SAMD4A: variants seen among roughly 807,000 people sequenced by gnomAD.
SAMD4A encodes protein Smaug homolog 1.
Under a neutral mutation model 81.3 loss-of-function variants are expected in SAMD4A, and 33 were observed. That is an observed-to-expected ratio of 0.41 (90% CI 0.31 to 0.54). The LOEUF (loss-of-function observed/expected upper bound fraction) is 0.54, where lower values mean the gene tolerates loss of function less well. Ranked by LOEUF, SAMD4A falls within the 20% of genes least tolerant of loss-of-function variation. The pLI, the probability that SAMD4A is intolerant of heterozygous loss-of-function variation, is 0.37. For synonymous variants in SAMD4A, 389 were observed against 382.1 expected, an observed-to-expected ratio of 1.02 and a Z score of -0.21; for missense variants, 854 against 951.1, an observed-to-expected ratio of 0.90 and a Z score of 1.34.
At chr14:54,698,554 A>T (rs77974842) in intron 2 of SAMD4A, among the ~76,000 whole-genome samples, 6,116 of 152,302 alleles carry the variant, frequency 0.04, 200 homozygotes, top group East Asian at 0.14. Flanking sequence ...TTAAGTGAGT[A>T]ATTAAATGCA....
At chr14:54,649,944 A>G (rs560301002) in intron 2 of SAMD4A, among the ~76,000 whole-genome samples, 3 of 152,196 alleles carry the variant, frequency 2.0e-5, no homozygotes, top group South Asian at 4.1e-4. Flanking sequence ...GTCTACTTAG[A>G]CTTTTAGGCA....
intron 7 of SAMD4A, among the ~76,000 whole-genome samples, chr14:54,762,607 C>T (rs1305653324): frequency 1.3e-5 from 2 of 152,176 alleles, no homozygotes; most frequent in East Asian, 3.9e-4. Context: ...ACACGCGGCA[C>T]ATCGCCCTAC....
At chr14:54,699,291 CT>C (rs1379400857) in intron 2 of SAMD4A, among the ~76,000 whole-genome samples, 1 of 152,204 alleles carries the variant, frequency 6.6e-6, no homozygotes, top group Non-Finnish European at 1.5e-5. Context: ...CTCAGCGCTA[CT>C]TTAAAAGGGA....
At chr14:54,773,837 T>C (rs2038768161) in intron 9 of SAMD4A, among the ~76,000 whole-genome samples, 2 of 152,250 alleles carry the variant, frequency 1.3e-5, no homozygotes, top group South Asian at 4.1e-4. Flanking sequence ...GGTTCATTCA[T>C]TCAACTGCAT....
At chr14:54,579,376 A>G (rs1022495395) in intron 2 of SAMD4A, among the ~76,000 whole-genome samples, 2 of 152,264 alleles carry the variant, frequency 1.3e-5, no homozygotes, top group Admixed American at 1.3e-4. Flanking sequence ...GTGGTTGGAA[A>G]TGTGCCTAAG....
intron 2 of SAMD4A, among the ~76,000 whole-genome samples, chr14:54,657,632 T>A (rs2035549234): frequency 6.6e-6 from 1 of 152,234 alleles, no homozygotes; most frequent in African/African-American, 2.4e-5. Context: ...GCTTAAGGCA[T>A]GGACATCTCT....
At chr14:54,677,429 G>A (rs1484373949) in intron 2 of SAMD4A, among the ~76,000 whole-genome samples, 2 of 152,148 alleles carry the variant, frequency 1.3e-5, no homozygotes, top group African/African-American at 2.4e-5. Flanking sequence ...GTTTATTCCT[G>A]AAACTGACTC....
chr14:54,710,548 C>T (rs1228783185), intron 3 of SAMD4A, among the ~76,000 whole-genome samples: 1 of 152,156 alleles, frequency 6.6e-6, no homozygotes, highest in African/African-American at 2.4e-5. Flanking sequence ...TTACTTGCCT[C>T]TCCCTCCTAA....
chr14:54,789,194 T>G lies in SAMD4A; in HGVS notation c.*250T>G. 1 of 490,212 alleles carries G rather than the reference T, an allele frequency of 2.0e-6. No individual in the cohort carries two copies. Among genetic ancestry groups the G allele is most frequent in the Non-Finnish European group, 3.7e-6 (1 of 271,148 alleles). 30.4% of individuals were successfully genotyped at this position (490,212 alleles called of 1,614,324 possible). ...GGTGTGTGGGGTGGGGAGGGGTCTC[T>G]AGGGAATTATGAGACTGGGAGGGGG... On this transcript the variant is annotated 3_prime_UTR_variant, in exon 13 of 13. Transcript: ENST00000554335.
intron 6 of SAMD4A, among the ~76,000 whole-genome samples, chr14:54,752,036 C>A (rs1433247760): frequency 6.6e-6 from 1 of 152,170 alleles, no homozygotes; most frequent in Non-Finnish European, 1.5e-5. Context: ...ATTTGGCAGG[C>A]AGACATATTT....
At chr14:54,763,144 C>A (rs1367503717) in intron 7 of SAMD4A, among the ~76,000 whole-genome samples, 1 of 151,732 alleles carries the variant, frequency 6.6e-6, no homozygotes, top group Non-Finnish European at 1.5e-5. Context: ...CATGAGCCAC[C>A]GCGCCCAGCC....
intron 2 of SAMD4A, among the ~76,000 whole-genome samples, chr14:54,647,903 T>A (rs2140410770): frequency 6.6e-6 from 1 of 152,300 alleles, no homozygotes; most frequent in East Asian, 1.9e-4. Flanking sequence ...GATAAAAGTG[T>A]TGGGTTGTAT....
chr14:54,663,185 G>T (rs1306635311), intron 2 of SAMD4A, among the ~76,000 whole-genome samples: 1 of 152,188 alleles, frequency 6.6e-6, no homozygotes, highest in African/African-American at 2.4e-5. Flanking sequence ...CAAAATGTAA[G>T]AGCTAAATAA....
At chr14:54,634,619 G>A (rs947482456) in intron 2 of SAMD4A, among the ~76,000 whole-genome samples, 4 of 152,004 alleles carry the variant, frequency 2.6e-5, no homozygotes, top group South Asian at 2.1e-4. Context: ...GGTAATGGTC[G>A]CCCGCCGCTC....
At chr14:54,758,886 C>T (rs1300783635) in intron 6 of SAMD4A, among the ~76,000 whole-genome samples, 1 of 152,030 alleles carries the variant, frequency 6.6e-6, no homozygotes, top group African/African-American at 2.4e-5. Flanking sequence ...TATCAATGTC[C>T]TTTCCAGGTC....
At chr14:54,785,870 A>G (rs1237284029) in intron 12 of SAMD4A, among the ~76,000 whole-genome samples, 1 of 152,226 alleles carries the variant, frequency 6.6e-6, no homozygotes, top group Non-Finnish European at 1.5e-5. Flanking sequence ...GAGCTTCACC[A>G]AACAGATGGT....
chr14:54,782,421 G>A (rs2039020595), intron 11 of SAMD4A, among the ~76,000 whole-genome samples: 1 of 150,462 alleles, frequency 6.6e-6, no homozygotes, highest in South Asian at 2.1e-4. Flanking sequence ...GCTAATTTTT[G>A]CATGCATATG....
intron 2 of SAMD4A, among the ~76,000 whole-genome samples, chr14:54,583,991 G>A (rs1461990289): frequency 7.9e-5 from 12 of 152,032 alleles, no homozygotes; most frequent in African/African-American, 2.7e-4. Flanking sequence ...CTCAATTACC[G>A]GTGCCTTCTA....
intron 2 of SAMD4A, among the ~76,000 whole-genome samples, chr14:54,605,685 TTC>T (rs2034178830): frequency 6.6e-6 from 1 of 152,170 alleles, no homozygotes; most frequent in African/African-American, 2.4e-5. Flanking sequence ...CTATAATAAT[TTC>T]TGTATTGCTC....
Sources: allele counts gnomAD v4.1 joint callset (sites outside exome capture counted in the v4.1 genomes callset), GRCh38; gene constraint gnomAD v4.1.1; transcripts MANE v1.5; gene names NCBI Gene and HGNC (gene_info 2026-07-23, HGNC 2026-07-21).